SLC26A4: variants seen among roughly 807,000 people sequenced by gnomAD.
SLC26A4 encodes pendrin.
Under a neutral mutation model 90.4 loss-of-function variants are expected in SLC26A4, and 93 were observed. The observed-to-expected ratio is 1.03, with a 90% CI of 0.87 to 1.22. SLC26A4 has a LOEUF of 1.22. Ranked by LOEUF, SLC26A4 falls within the 50% of genes most tolerant of loss-of-function variation. The probability of loss-of-function intolerance (pLI) is 0.00; values close to 1 mark genes in which losing one functional copy is unlikely to be tolerated. For synonymous variants in SLC26A4, 393 were observed against 354.6 expected (o/e 1.11, Z -1.22); for missense variants, 1,127 against 946.2 (o/e 1.19, Z -2.51).
intron 2 of SLC26A4, 124 bp from the exon 3 acceptor site, chr7:107,663,172 G>A: frequency 8.8e-7 from 1 of 1,131,542 alleles, no homozygotes. Flanking sequence ...TATTTTCCAG[G>A]AAATACTTAT....
chr7:107,715,389 G>A (rs778721596), intron 20 of SLC26A4, 34 bp from the exon 21 acceptor site: 54 of 1,592,792 alleles, frequency 3.4e-5, no homozygotes, highest in Non-Finnish European at 4.4e-5. Context: ...GAATTCAGTT[G>A]TATCAACACT....
At chr7:107,680,361 T>TCTTATCTTATTATATAAA (rs1562827596) in intron 6 of SLC26A4, among the ~76,000 whole-genome samples, 1 of 130,342 alleles carries the variant, frequency 7.7e-6, no homozygotes, top group Admixed American at 8.7e-5. Flanking sequence ...TATTATATAA[T>TCTTATCTTATTATATAAA]CTTATCTTAT....
At chr7:107,687,474 T>C (rs1411566386) in intron 8 of SLC26A4, among the ~76,000 whole-genome samples, 1 of 152,202 alleles carries the variant, frequency 6.6e-6, no homozygotes, top group African/African-American at 2.4e-5. Flanking sequence ...AGACACTAAT[T>C]ACTTACTTAC....
Position 107,701,875 on chromosome 7 carries a change from G to T in SLC26A4, c.1852G>T (p.Asp618Tyr), listed in dbSNP as rs886043208. 1 of 1,613,354 alleles carries T rather than the reference G, an allele frequency of 6.2e-7. No homozygotes were observed. The highest frequency in any genetic ancestry group is 8.5e-7 in the Non-Finnish European group (1 of 1,179,416). ...AVSTNNAFEP[D>Y]EDIEDLEELD... ...TTCAACAAATAATGCTTTTGAGCCT[G>T]ATGAGGATATTGAAGATCTGGAGGA... Residue 618 changes from aspartate to tyrosine, a missense_variant, in exon 17 of 21, where the codon GAT (aspartate) becomes TAT (tyrosine). Transcript: ENST00000644269.
intron 18 of SLC26A4, among the ~76,000 whole-genome samples, chr7:107,709,104 G>T (rs1419917846): frequency 6.6e-6 from 1 of 152,170 alleles, no homozygotes; most frequent in Non-Finnish European, 1.5e-5. Context: ...CAAAGACATG[G>T]TTTCTGAAGT....
chr7:107,716,686 A>G lies in SLC26A4; in HGVS notation c.*1240A>G, dbSNP rs1792353960. 1 of 152,138 alleles carries G rather than the reference A, an allele frequency of 6.6e-6. No individual in the cohort carries two copies. The highest frequency in any genetic ancestry group is 2.4e-5 in the African/African-American group (1 of 41,424). 9.4% of individuals were successfully genotyped at this position (152,138 alleles called of 1,614,324 possible). On this transcript the variant is annotated 3_prime_UTR_variant, in exon 21 of 21. Transcript: ENST00000644269. ...ACTTTTCCCATATATTTCACACTGGAGTGAATGAAGTTGTACTTCATTTCT... is the reference window on the plus strand; with the variant it reads ...ACTTTTCCCATATATTTCACACTGGGGTGAATGAAGTTGTACTTCATTTCT...
At chr7:107,693,802 C>A in intron 10 of SLC26A4, 1 of 741,232 alleles carries the variant, frequency 1.3e-6, no homozygotes, top group Admixed American at 5.2e-5. Flanking sequence ...CTCCGTGGAA[C>A]TGTCAGAGGA....
At position 107,674,945 on chromosome 7, in the gene SLC26A4, T is replaced by G. The variant is rs780854103; in HGVS notation, c.601T>G (p.Leu201Val). Residue 201 changes from leucine to valine, a missense_variant and splice_region_variant, in exon 6 of 21, where the codon TTG (leucine) becomes GTG (valine). Coordinates refer to ENST00000644269, the MANE Select transcript of SLC26A4 (RefSeq NM_000441.2). ...TTTTCTTTCCTTTTCCTTATCGTAG[T>G]TGATATTTGGTGGCTTGCAGATTGG... ...ALTLLVGIIQ[L>V]IFGGLQIGFI... 1 of 1,613,656 alleles carries G rather than the reference T, an allele frequency of 6.2e-7. No homozygotes were observed. The highest frequency in any genetic ancestry group is 8.5e-7 in the Non-Finnish European group (1 of 1,179,882).
chr7:107,663,575 CA>C, intron 3 of SLC26A4, 140 bp downstream of exon 3: 1 of 896,018 alleles, frequency 1.1e-6, no homozygotes, highest in Non-Finnish European at 1.8e-6. Flanking sequence ...TGGAGAGAGT[CA>C]CCTCTCTTCT....
At chr7:107,693,966 A>C (rs551644452) in intron 10 of SLC26A4, among the ~76,000 whole-genome samples, 24 of 152,216 alleles carry the variant, frequency 1.6e-4, no homozygotes, top group Non-Finnish European at 3.5e-4. Flanking sequence ...CAGCTTCAAT[A>C]ATGCAGAAAA....
At chr7:107,697,405 T>G (rs1180070325) in intron 13 of SLC26A4, among the ~76,000 whole-genome samples, 1 of 152,212 alleles carries the variant, frequency 6.6e-6, no homozygotes, top group African/African-American at 2.4e-5. Context: ...AGCACAATGC[T>G]GAAAGTACAC....
rs773173756 is a variant in SLC26A4, at chr7:107,672,212, T to C, written c.379T>C (p.Tyr127His). 1 of 1,610,028 alleles carries C rather than the reference T, an allele frequency of 6.2e-7. No homozygotes were observed. Among genetic ancestry groups the C allele is most frequent in the Admixed American group, 1.7e-5 (1 of 60,006 alleles). ...LYSAFFPILT[Y>H]FIFGTSRHIS... ...CTCTGCTTTTTTCCCTATCCTGACA[T>C]ACTTTATCTTTGGAACATCAAGACA... The change falls in exon 4 of 21, where the codon TAC (tyrosine) becomes CAC (histidine). Residue 127 changes from tyrosine to histidine, a missense_variant. By Grantham distance (83) the Tyr-to-His change is moderately conservative. Coordinates refer to ENST00000644269, the MANE Select transcript of SLC26A4 (RefSeq NM_000441.2).
intron 4 of SLC26A4, 132 bp from the exon 5 acceptor site, chr7:107,674,032 A>C: frequency 1.1e-6 from 1 of 945,920 alleles, no homozygotes; most frequent in Non-Finnish European, 1.7e-6. Flanking sequence ...GGTCCGGCTC[A>C]GCTTCTTTCG....
At chr7:107,679,281 T>C (rs1374078696) in intron 6 of SLC26A4, among the ~76,000 whole-genome samples, 2 of 152,160 alleles carry the variant, frequency 1.3e-5, no homozygotes, top group Non-Finnish European at 2.9e-5. Flanking sequence ...CCACTAAGCT[T>C]GATTAGATTT....
intron 9 of SLC26A4, among the ~76,000 whole-genome samples, chr7:107,689,607 C>T (rs1382291654): frequency 6.6e-6 from 1 of 152,152 alleles, no homozygotes; most frequent in African/African-American, 2.4e-5. Flanking sequence ...GTTCACTGTG[C>T]AGTTAATATA....
In SLC26A4 at chr7:107,717,362, T is replaced by C. The variant is rs1283353049; in HGVS notation, c.*1916T>C. On this transcript the variant is annotated 3_prime_UTR_variant, in exon 21 of 21. Coordinates refer to ENST00000644269, the MANE Select transcript of SLC26A4 (RefSeq NM_000441.2). ...GCCTGGGCGACAGAGCAAGACTCCG[T>C]CTCAAAAAAAAAAAAAAAAAAAAAA... 7 of 64,570 alleles carry C rather than the reference T, an allele frequency of 1.1e-4. No homozygotes were observed. Among genetic ancestry groups the C allele is most frequent in the African/African-American group, 4.7e-4 (7 of 14,808 alleles). 4.0% of individuals were successfully genotyped at this position (64,570 alleles called of 1,614,324 possible).
At chr7:107,712,219 CA>C (rs2129320351) in intron 19 of SLC26A4, among the ~76,000 whole-genome samples, 1 of 152,248 alleles carries the variant, frequency 6.6e-6, no homozygotes, top group East Asian at 1.9e-4. Context: ...TTAGCTTAGC[CA>C]TTGAGAGATG....
chr7:107,704,055 T>C (rs1434254498), intron 17 of SLC26A4, among the ~76,000 whole-genome samples: 1 of 152,226 alleles, frequency 6.6e-6, no homozygotes, highest in Non-Finnish European at 1.5e-5. Context: ...AGAAGCCTCC[T>C]GTACTCTCTT....
intron 5 of SLC26A4, among the ~76,000 whole-genome samples, chr7:107,674,581 T>A (rs1030749320): frequency 5.3e-5 from 8 of 152,052 alleles, no homozygotes; most frequent in African/African-American, 1.9e-4. Context: ...CAGAAGAACA[T>A]GTGTGATTCA....
Sources: gnomAD v4.1 joint callset for allele counts (sites outside exome capture counted in the v4.1 genomes callset) on GRCh38, gnomAD v4.1.1 for gene constraint, MANE v1.5 for transcripts, NCBI Gene and HGNC (gene_info 2026-07-23, HGNC 2026-07-21) for gene names.